The following GRIK3 variants were observed in gnomAD, a reference collection of about 807,000 sequenced individuals.
GRIK3 encodes the protein glutamate ionotropic receptor kainate type subunit 3, also known as glutamate receptor ionotropic, kainate 3.
In GRIK3, 29 loss-of-function variants were observed where a neutral mutation model predicts 102.5. The observed-to-expected ratio is 0.28, with a 90% confidence interval of 0.21 to 0.39. The LOEUF (loss-of-function observed/expected upper bound fraction) is 0.39. GRIK3 is among the 10% of genes least tolerant of loss of function. GRIK3 has a pLI of 1.00. For missense variants in GRIK3, 908 were observed against 1,252.4 expected, an observed-to-expected ratio of 0.73 and a Z score of 4.15; for synonymous variants, 511 against 504.9, an observed-to-expected ratio of 1.01 and a Z score of -0.16.
intron 10 of GRIK3, among the ~76,000 whole-genome samples, chr1:36,832,164 C>G (rs561535902): frequency 6.6e-6 from 1 of 152,354 alleles, no homozygotes; most frequent in South Asian, 2.1e-4. Context: ...GGCCGATTCT[C>G]TGGGTGTTTC....
chr1:37,007,683 C>T (rs1642547107), intron 1 of GRIK3, among the ~76,000 whole-genome samples: 1 of 152,226 alleles, frequency 6.6e-6, no homozygotes, highest in African/African-American at 2.4e-5. Context: ...GAGGCGTTTT[C>T]CCAGCACTAT....
At chr1:36,804,940 G>A (rs776657718) in intron 15 of GRIK3, 47 bp downstream of exon 15, 6 of 1,602,040 alleles carry the variant, frequency 3.7e-6, no homozygotes, top group South Asian at 2.2e-5. Context: ...AAATCAGCGC[G>A]AATCTCCATT....
In GRIK3 at chr1:36,861,125, A is replaced by G. The variant is rs183409726; in HGVS notation, c.787-1108T>C. The stretch of plus-strand genomic sequence containing the variant: ...CCCCGCAACCCTACCTGAAATACCT[A>G]TAAATACCCAATTCCTCAAATGCTC... On this transcript the variant is annotated intron_variant, in intron 5 of 15. Coordinates refer to ENST00000373091, the MANE Select transcript of GRIK3 (RefSeq NM_000831.4). Among the ~76,000 whole-genome samples the G allele has an allele frequency of 1.2e-4, 19 of 152,326 alleles. No individual in the cohort carries two copies. The East Asian group carries it at 2.5e-3, about 20-fold the overall frequency.
chr1:36,902,301 G>T (rs1641239970), intron 1 of GRIK3, among the ~76,000 whole-genome samples: 1 of 151,420 alleles, frequency 6.6e-6, no homozygotes, highest in East Asian at 2.0e-4. Context: ...GAACAACATT[G>T]GGAGATCAAC....
At chr1:36,918,350 T>C (rs1641430115) in intron 1 of GRIK3, among the ~76,000 whole-genome samples, 1 of 152,196 alleles carries the variant, frequency 6.6e-6, no homozygotes, top group African/African-American at 2.4e-5. Flanking sequence ...CCCTTTAACC[T>C]TCTTATGCAG....
chr1:36,920,130 C>T lies in GRIK3; in HGVS notation c.116-29034G>A, dbSNP rs866441169. Among the ~76,000 whole-genome samples the T allele has an allele frequency of 2.0e-4, 30 of 152,296 alleles. No homozygotes were observed. The Middle Eastern group carries it at 0.014, about 69-fold the overall frequency. On this transcript the variant is annotated intron_variant, in intron 1 of 15. Coordinates refer to ENST00000373091, the MANE Select transcript of GRIK3 (RefSeq NM_000831.4). ...GAAACTGGTCTGTCCTGAAGCTGGT[C>T]GGCCTTGGTTCTGTGAGCTCATCTT...
chr1:36,885,207 T>G (rs1471862379), intron 2 of GRIK3, among the ~76,000 whole-genome samples: 1 of 152,172 alleles, frequency 6.6e-6, no homozygotes, highest in African/African-American at 2.4e-5. Flanking sequence ...AATGTGTTGG[T>G]GCCTTCACTG....
chr1:36,982,555 C>T (rs1642260949), intron 1 of GRIK3, among the ~76,000 whole-genome samples: 1 of 152,178 alleles, frequency 6.6e-6, no homozygotes, highest in African/African-American at 2.4e-5. Flanking sequence ...TTCGTGGATT[C>T]AAGCTGGAGA....
intron 1 of GRIK3, among the ~76,000 whole-genome samples, chr1:36,999,077 G>T (rs182350049): frequency 2.8e-4 from 43 of 152,210 alleles, no homozygotes; most frequent in Admixed American, 7.8e-4. Context: ...ACAGACCTGG[G>T]AGGGTGGCTC....
chr1:36,885,050 G>A (rs997055627), intron 2 of GRIK3, among the ~76,000 whole-genome samples: 5 of 152,230 alleles, frequency 3.3e-5, no homozygotes, highest in African/African-American at 4.8e-5. Context: ...AACTGAAATC[G>A]TTGTGATACT....
Position 36,816,925 on chromosome 1 carries a change from T to C in GRIK3, c.2091+135A>G, listed in dbSNP as rs1642637844. 3 of 645,110 alleles carry C rather than the reference T, an allele frequency of 4.7e-6. No individual in the cohort carries two copies. In the African/African-American group the frequency reaches 5.5e-5, roughly 12 times the overall value. The allele number at this position is 645,110 out of a possible 1,614,324, so 40.0% of individuals were successfully genotyped here. A position where few individuals can be genotyped will look rare whatever the true frequency, so the allele number is the denominator to read the frequency against. Reference sequence around the variant, plus strand: ...CCAAAGTCAACTAGTCCAAACACGGTGGGGCTGAGAGGGCTTCTGACCCAT... The same window carrying C: ...CCAAAGTCAACTAGTCCAAACACGGCGGGGCTGAGAGGGCTTCTGACCCAT... On this transcript the variant is annotated intron_variant, in intron 13 of 15. Transcript: ENST00000373091.
intron 10 of GRIK3, among the ~76,000 whole-genome samples, chr1:36,839,268 G>GATAA (rs1640419422): frequency 6.6e-6 from 1 of 152,156 alleles, no homozygotes; most frequent in Non-Finnish European, 1.5e-5. Context: ...CAGGGGAATG[G>GATAA]ATAAGATGGA....
chr1:36,858,960 C>G (rs116699671), intron 7 of GRIK3, 148 bp downstream of exon 7: 1 of 700,750 alleles, frequency 1.4e-6, no homozygotes. Context: ...CATTTTCACA[C>G]GGGAAACTGA....
intron 5 of GRIK3, among the ~76,000 whole-genome samples, chr1:36,860,405 G>A (rs1394667277): frequency 6.6e-6 from 1 of 152,200 alleles, no homozygotes; most frequent in Non-Finnish European, 1.5e-5. Flanking sequence ...TGGGCATCTT[G>A]TTACACAGAG....
intron 4 of GRIK3, among the ~76,000 whole-genome samples, chr1:36,871,812 A>G (rs1445187603): frequency 6.6e-6 from 1 of 152,034 alleles, no homozygotes; most frequent in Non-Finnish European, 1.5e-5. Context: ...TGTTCCTGAG[A>G]ATCTGAGGCC....
intron 1 of GRIK3, among the ~76,000 whole-genome samples, chr1:36,961,111 T>G (rs1445967406): frequency 6.6e-6 from 1 of 152,222 alleles, no homozygotes; most frequent in Non-Finnish European, 1.5e-5. Flanking sequence ...TCTGCAGACA[T>G]CCGGTGATGC....
intron 1 of GRIK3, among the ~76,000 whole-genome samples, chr1:37,017,202 G>A (rs1642660133): frequency 7.0e-6 from 1 of 142,336 alleles, no homozygotes; most frequent in Non-Finnish European, 1.5e-5. Context: ...GACACAGAGT[G>A]AGACTTTGTC....
chr1:37,006,710 C>A (rs532937033), intron 1 of GRIK3, among the ~76,000 whole-genome samples: 1 of 152,200 alleles, frequency 6.6e-6, no homozygotes, highest in Non-Finnish European at 1.5e-5. Context: ...TACCTGCGGG[C>A]GCCGCAGAGT....
intron 1 of GRIK3, among the ~76,000 whole-genome samples, chr1:36,905,176 C>T (rs1641273457): frequency 6.6e-6 from 1 of 152,044 alleles, no homozygotes; most frequent in African/African-American, 2.4e-5. Flanking sequence ...AATACCTTAC[C>T]ATAAATGTGC....
Sources: gnomAD v4.1 joint callset for allele counts (sites outside exome capture counted in the v4.1 genomes callset) on GRCh38, gnomAD v4.1.1 for gene constraint, MANE v1.5 for transcripts, NCBI Gene and HGNC (gene_info 2026-07-23, HGNC 2026-07-21) for gene names.